MVB12B: variants seen among roughly 807,000 people sequenced by gnomAD.
MVB12B encodes ESCRT-I complex subunit MVB12B.
Under a neutral mutation model 41.6 loss-of-function variants are expected in MVB12B, and 16 were observed. The observed-to-expected ratio is 0.38, with a 90% confidence interval of 0.26 to 0.58. The LOEUF (loss-of-function observed/expected upper bound fraction) is 0.58, where lower values mean the gene tolerates loss of function less well. Ranked by LOEUF, MVB12B falls within the 20% of genes least tolerant of loss-of-function variation. The pLI is 0.62. For missense variants in MVB12B, 274 were observed against 380.2 expected (o/e 0.72, Z 2.32); for synonymous variants, 133 against 139.7 (o/e 0.95, Z 0.34).
chr9:126,402,737 A>G (rs1831301548), intron 6 of MVB12B, among the ~76,000 whole-genome samples: 1 of 152,256 alleles, frequency 6.6e-6, no homozygotes, highest in South Asian at 2.1e-4. Context: ...ATGTCCAGGC[A>G]TAACTATGGG....
chr9:126,429,407 C>T (rs555454562), intron 7 of MVB12B, among the ~76,000 whole-genome samples: 16 of 152,254 alleles, frequency 1.1e-4, no homozygotes, highest in Admixed American at 7.2e-4. Flanking sequence ...TGCTGTCAGG[C>T]GCACGCACAC....
At chr9:126,487,553 A>G (rs946741608) in intron 9 of MVB12B, among the ~76,000 whole-genome samples, 3 of 152,198 alleles carry the variant, frequency 2.0e-5, no homozygotes, top group Admixed American at 2.0e-4. Flanking sequence ...TGAGGTCAGG[A>G]GTTTGAGACC....
At chr9:126,451,970 A>G (rs998855260) in intron 7 of MVB12B, among the ~76,000 whole-genome samples, 1 of 152,090 alleles carries the variant, frequency 6.6e-6, no homozygotes, top group Non-Finnish European at 1.5e-5. Flanking sequence ...GGTGGTTATG[A>G]AAGTCCCACT....
intron 3 of MVB12B, among the ~76,000 whole-genome samples, chr9:126,382,543 A>G (rs1830666578): frequency 6.6e-6 from 1 of 152,180 alleles, no homozygotes; most frequent in Non-Finnish European, 1.5e-5. Context: ...GGACAAGGGC[A>G]CTGAGATCTT....
At chr9:126,440,572 G>T (rs1832606746) in intron 7 of MVB12B, among the ~76,000 whole-genome samples, 1 of 152,096 alleles carries the variant, frequency 6.6e-6, no homozygotes, top group Non-Finnish European at 1.5e-5. Flanking sequence ...AGCCCAACAG[G>T]AATCTCCGTG....
At chr9:126,361,750 T>G (rs489227) in intron 2 of MVB12B, among the ~76,000 whole-genome samples, 74,994 of 151,732 alleles carry the variant, frequency 0.49, 18,957 homozygotes, top group South Asian at 0.63. Context: ...AAGATGTTGC[T>G]ACAAATACAA....
intron 4 of MVB12B, among the ~76,000 whole-genome samples, chr9:126,390,632 G>A (rs78201673): frequency 0.076 from 11,571 of 152,236 alleles, 576 homozygotes; most frequent in Middle Eastern, 0.16. Flanking sequence ...ATGAAGGAAA[G>A]TTATTTTTTA....
rs138289124 is a variant in MVB12B, at chr9:126,495,951, G to A, written c.874-7226G>A. On this transcript the variant is annotated intron_variant, in intron 9 of 9. Transcript: ENST00000361171. ...AGGTGTGACATGCTGCTGTGGATGG[G>A]CCCTGGGCTTGGTACTTGACATGCA... is the stretch of plus-strand genomic sequence containing the variant. 3.9e-5 allele frequency among the ~76,000 whole-genome samples: 6 copies of A among 152,146 alleles called. No homozygotes were observed. In the East Asian group the frequency reaches 1.2e-3, roughly 29 times the overall value.
intron 7 of MVB12B, among the ~76,000 whole-genome samples, chr9:126,446,442 G>GT (rs1400645649): frequency 7.1e-6 from 1 of 139,888 alleles, no homozygotes; most frequent in East Asian, 2.1e-4. Context: ...TGTGATCTAA[G>GT]TTTTTTTCAA....
chr9:126,486,886 T>TTA lies in MVB12B; in HGVS notation c.873+2855_873+2856dup, dbSNP rs1588207771. Among the ~76,000 whole-genome samples, 4 of 152,326 alleles carry TTA rather than the reference T, an allele frequency of 2.6e-5. No homozygotes were observed. Among genetic ancestry groups the TTA allele is most frequent in the South Asian group, 2.1e-4 (1 of 4,824 alleles). On this transcript the variant is annotated intron_variant, in intron 9 of 9. Transcript: ENST00000361171. The surrounding 1 kb of genome is among the most constrained non-coding windows in gnomAD (Gnocchi z 4.7). ...GCTGGTGGCCAGTCAGTCTAGTTCC[T>TTA]TAACCTGGGTGGGCCTTCGAGTTGC...
chr9:126,376,366 T>G lies in MVB12B; in HGVS notation c.205-4698T>G. 5 of 496,362 alleles carry G rather than the reference T, an allele frequency of 1.0e-5. No homozygotes were observed. Among genetic ancestry groups the G allele is most frequent in the Non-Finnish European group, 1.8e-5 (5 of 278,784 alleles). The allele number at this position is 496,362 out of a possible 1,614,324, so 30.7% of individuals were successfully genotyped here. Reference sequence around the variant, plus strand: ...CTCTTTGCTACCTTCAAGCTCCCTTTTTTCTATTTTGGGCCCTTCTGTCAT... The same window carrying G: ...CTCTTTGCTACCTTCAAGCTCCCTTGTTTCTATTTTGGGCCCTTCTGTCAT... On this transcript the variant is annotated intron_variant, in intron 2 of 9. Coordinates refer to ENST00000361171, the MANE Select transcript of MVB12B (RefSeq NM_033446.3). This position sits in a 1 kb window ranked among gnomAD's most constrained non-coding sequence, Gnocchi z 4.1.
At chr9:126,426,898 T>C (rs1479499926) in intron 7 of MVB12B, 1 of 152,518 alleles carries the variant, frequency 6.6e-6, no homozygotes, top group East Asian at 1.9e-4. Context: ...GGGTCAGCGC[T>C]GACTCCCACA....
intron 6 of MVB12B, among the ~76,000 whole-genome samples, chr9:126,410,896 T>A (rs955830581): frequency 6.6e-6 from 1 of 150,470 alleles, no homozygotes; most frequent in African/African-American, 2.4e-5. Context: ...TTCTTTTTTT[T>A]TTTTTTTTTG....
chr9:126,339,207 T>C (rs1041402799), intron 1 of MVB12B, among the ~76,000 whole-genome samples: 3 of 152,208 alleles, frequency 2.0e-5, no homozygotes, highest in African/African-American at 7.2e-5. Context: ...TTTTGATTGT[T>C]CCTATTTAGA....
At chr9:126,329,703 A>G (rs1449792584) in intron 1 of MVB12B, among the ~76,000 whole-genome samples, 1 of 152,190 alleles carries the variant, frequency 6.6e-6, no homozygotes, top group African/African-American at 2.4e-5. Flanking sequence ...ATGGTGCTGG[A>G]GTCAAGCATG....
intron 2 of MVB12B, among the ~76,000 whole-genome samples, chr9:126,356,466 A>G (rs1405915789): frequency 6.6e-6 from 1 of 152,168 alleles, no homozygotes; most frequent in South Asian, 2.1e-4. Flanking sequence ...TTGACATACA[A>G]TAGACTGCAT....
intron 1 of MVB12B, among the ~76,000 whole-genome samples, chr9:126,328,612 G>A (rs1466256986): frequency 6.6e-6 from 1 of 152,190 alleles, no homozygotes; most frequent in Non-Finnish European, 1.5e-5. Context: ...TTCATCTCAT[G>A]GGATTATGGC....
chr9:126,488,987 CCCA>C (rs1833677463), intron 9 of MVB12B, among the ~76,000 whole-genome samples: 1 of 152,218 alleles, frequency 6.6e-6, no homozygotes, highest in Non-Finnish European at 1.5e-5. Flanking sequence ...TGCCTCCACC[CCCA>C]CAAGGACACA....
chr9:126,352,640 G>T (rs1829783185), intron 2 of MVB12B, among the ~76,000 whole-genome samples: 1 of 152,188 alleles, frequency 6.6e-6, no homozygotes, highest in Non-Finnish European at 1.5e-5. Context: ...TCCCTAGCTG[G>T]TCAGACGGAT....
Sources: gnomAD v4.1 joint callset for allele counts (sites outside exome capture counted in the v4.1 genomes callset) on GRCh38, gnomAD v4.1.1 for gene constraint, Gnocchi (gnomAD v3.1) non-coding constraint, MANE v1.5 for transcripts, NCBI Gene and HGNC (gene_info 2026-07-23, HGNC 2026-07-21) for gene names.